The following NT5DC1 variants were observed in gnomAD, a reference collection of about 807,000 sequenced individuals.
NT5DC1 encodes 5'-nucleotidase domain containing 1.
In NT5DC1, 42 loss-of-function variants were observed where a neutral mutation model predicts 59.4. The observed-to-expected ratio is 0.71, with a 90% CI of 0.55 to 0.92. The LOEUF is 0.92. NT5DC1 is among the 40% of genes least tolerant of loss of function. The pLI is 0.00. For synonymous variants in NT5DC1, 172 were observed against 188.1 expected (o/e 0.91, Z 0.70); for missense variants, 501 against 537.1 (o/e 0.93, Z 0.66).
At chr6:116,121,158 C>A (rs750527856) in intron 6 of NT5DC1, 1 of 1,613,204 alleles carries the variant, frequency 6.2e-7, no homozygotes, top group Non-Finnish European at 8.5e-7. Context: ...CCTTTGGCAC[C>A]TGGACCCCCA....
chr6:116,162,150 TA>T (rs1281338899), intron 6 of NT5DC1, among the ~76,000 whole-genome samples: 1 of 152,234 alleles, frequency 6.6e-6, no homozygotes. Context: ...TTAGCAAAGT[TA>T]TTGATTAGGT....
chr6:116,158,427 T>C (rs1388625107), intron 6 of NT5DC1, among the ~76,000 whole-genome samples: 1 of 152,232 alleles, frequency 6.6e-6, no homozygotes, highest in Non-Finnish European at 1.5e-5. Context: ...CTTTGCTTAG[T>C]GAAGACAAGA....
At chr6:116,131,223 A>G (rs34994420) in intron 6 of NT5DC1, among the ~76,000 whole-genome samples, 2,849 of 152,276 alleles carry the variant, frequency 0.019, 47 homozygotes, top group Non-Finnish European at 0.029. Context: ...CCAAGAGCCA[A>G]TATAAGCCAG....
At chr6:116,172,994 A>G (rs776491011) in intron 6 of NT5DC1, among the ~76,000 whole-genome samples, 8 of 152,196 alleles carry the variant, frequency 5.3e-5, no homozygotes, top group Non-Finnish European at 5.9e-5. Context: ...ATTTTTTTAC[A>G]TAAGAAATTT....
chr6:116,109,044 A>G (rs1284557195), intron 3 of NT5DC1, among the ~76,000 whole-genome samples: 3 of 152,190 alleles, frequency 2.0e-5, no homozygotes, highest in Admixed American at 6.5e-5. Flanking sequence ...GGGTATGACA[A>G]GCAGTCCAGA....
intron 6 of NT5DC1, among the ~76,000 whole-genome samples, chr6:116,172,299 A>G (rs1392144446): frequency 6.8e-6 from 1 of 148,120 alleles, no homozygotes; most frequent in Non-Finnish European, 1.5e-5. Context: ...AGTTCATTTT[A>G]GTATAACCCC....
rs1339767422 is a variant in NT5DC1, at chr6:116,248,364, A to G, written c.*4340A>G. 1 of 152,230 alleles carries G rather than the reference A, an allele frequency of 6.6e-6. No individual in the cohort carries two copies. Among genetic ancestry groups the G allele is most frequent in the Non-Finnish European group, 1.5e-5 (1 of 68,032 alleles). 9.4% of individuals were successfully genotyped at this position (152,230 alleles called of 1,614,324 possible). ...TTTGAGGAGATTGTGAAGCCAGGGA[A>G]TAAGTAACTGAAACAAGATCAAATA... On this transcript the variant is annotated 3_prime_UTR_variant, in exon 12 of 12. Transcript: ENST00000319550.
chr6:116,109,342 G>A (rs149144561), intron 3 of NT5DC1, among the ~76,000 whole-genome samples: 105 of 152,244 alleles, frequency 6.9e-4, no homozygotes, highest in African/African-American at 2.2e-3. Context: ...TTGGTATTTT[G>A]TAGTTTGTTT....
chr6:116,163,221 C>T (rs1239255558), intron 6 of NT5DC1, among the ~76,000 whole-genome samples: 1 of 147,106 alleles, frequency 6.8e-6, no homozygotes, highest in African/African-American at 2.5e-5. Flanking sequence ...CTGTGAATTC[C>T]CCTGGTCCTG....
chr6:116,171,811 T>C (rs112149846), intron 6 of NT5DC1, among the ~76,000 whole-genome samples: 1 of 152,254 alleles, frequency 6.6e-6, no homozygotes, highest in Non-Finnish European at 1.5e-5. Flanking sequence ...ACCATTTGCA[T>C]AAATGTGCAA....
intron 6 of NT5DC1, among the ~76,000 whole-genome samples, chr6:116,172,415 G>C (rs947166815): frequency 2.1e-5 from 3 of 144,490 alleles, no homozygotes; most frequent in African/African-American, 7.7e-5. Context: ...TCTACCTCCC[G>C]GGTTCAGGCA....
intron 6 of NT5DC1, among the ~76,000 whole-genome samples, chr6:116,132,480 T>C (rs1204529265): frequency 6.6e-6 from 1 of 152,194 alleles, no homozygotes; most frequent in African/African-American, 2.4e-5. Flanking sequence ...TGAGTTTTTT[T>C]TTTCATGTAA....
rs1778951700 is a variant in NT5DC1, at chr6:116,115,731, A to C, written c.405A>C (p.Gly135=). 1 of 1,606,738 alleles carries C rather than the reference A, an allele frequency of 6.2e-7. No homozygotes were observed. Among genetic ancestry groups the C allele is most frequent in the African/African-American group, 1.3e-5 (1 of 74,912 alleles). ...ACGACAACTACTTTGACCTGCCAGG[A>C]GCTCTTCTGTGTGCCAGGGTGGTGG... ...YFYDNYFDLP[G]ALLCARVVDY... The change falls in exon 5 of 12, where the codon GGA becomes GGC. Residue 135 remains glycine, a synonymous_variant. Coordinates refer to ENST00000319550, the MANE Select transcript of NT5DC1 (RefSeq NM_152729.3).
At chr6:116,120,947 TAC>T in intron 6 of NT5DC1, 1 of 1,613,660 alleles carries the variant, frequency 6.2e-7, no homozygotes, top group Non-Finnish European at 8.5e-7. Flanking sequence ...TTTTCCTGGG[TAC>T]CCTGGTTTTC....
intron 6 of NT5DC1, among the ~76,000 whole-genome samples, chr6:116,207,600 T>C (rs1286350369): frequency 6.6e-6 from 1 of 151,958 alleles, no homozygotes; most frequent in Non-Finnish European, 1.5e-5. Flanking sequence ...ACCCAAAATA[T>C]ATAAACTTGT....
chr6:116,178,088 TGCGCGCGCGCGCGC>T (rs770350675), intron 6 of NT5DC1, among the ~76,000 whole-genome samples: 5 of 99,620 alleles, frequency 5.0e-5, no homozygotes, highest in African/African-American at 9.3e-5. Flanking sequence ...TGTGTGTGTG[TGCGCGCGCGCGCGC>T]GTGCGTGCGT....
intron 6 of NT5DC1, among the ~76,000 whole-genome samples, chr6:116,172,562 C>T (rs1340992131): frequency 6.6e-6 from 1 of 152,050 alleles, no homozygotes; most frequent in Non-Finnish European, 1.5e-5. Flanking sequence ...CCCCCTGATC[C>T]ACCCACTTCA....
chr6:116,139,221 T>A (rs1027503557), intron 6 of NT5DC1, among the ~76,000 whole-genome samples: 1 of 152,114 alleles, frequency 6.6e-6, no homozygotes, highest in African/African-American at 2.4e-5. Context: ...CTTATCAAAG[T>A]GTGGATTTTT....
intron 5 of NT5DC1, among the ~76,000 whole-genome samples, chr6:116,116,392 C>G (rs547300931): frequency 2.6e-5 from 4 of 152,218 alleles, no homozygotes; most frequent in African/African-American, 9.6e-5. Context: ...GCCTGTAATC[C>G]CAGCACCTTA....
Sources: allele counts gnomAD v4.1 joint callset (sites outside exome capture counted in the v4.1 genomes callset), GRCh38; gene constraint gnomAD v4.1.1; transcripts MANE v1.5; gene names NCBI Gene and HGNC (gene_info 2026-07-23, HGNC 2026-07-21).